FHIT: variants seen among roughly 807,000 people sequenced by gnomAD.
The protein encoded by FHIT is bis(5'-adenosyl)-triphosphatase.
Under a neutral mutation model 17.9 loss-of-function variants are expected in FHIT, and 19 were observed. That is an observed-to-expected ratio of 1.06 (90% CI 0.74 to 1.56). The LOEUF is 1.56. Among genes scored for constraint, FHIT ranks in the 40% most tolerant of loss-of-function variants. The pLI, the probability that FHIT is intolerant of heterozygous loss-of-function variation, is 0.00. For missense variants in FHIT, 248 were observed against 189.2 expected (o/e 1.31, Z -1.82); for synonymous variants, 81 against 69.7 (o/e 1.16, Z -0.81).
At chr3:61,008,517 A>G (rs2031591436) in intron 3 of FHIT, among the ~76,000 whole-genome samples, 1 of 152,068 alleles carries the variant, frequency 6.6e-6, no homozygotes, top group African/African-American at 2.4e-5. Context: ...TAAACTACAA[A>G]CAGCTCTTTG....
chr3:59,816,291 G>C (rs1700597322), intron 8 of FHIT, among the ~76,000 whole-genome samples: 1 of 152,200 alleles, frequency 6.6e-6, no homozygotes, highest in African/African-American at 2.4e-5. Flanking sequence ...TGTACACTCA[G>C]TTATCATCAC....
At chr3:60,335,959 T>C (rs1474549192) in intron 5 of FHIT, among the ~76,000 whole-genome samples, 1 of 152,164 alleles carries the variant, frequency 6.6e-6, no homozygotes, top group Non-Finnish European at 1.5e-5. Context: ...ACACAGAACA[T>C]ATTCTGACAG....
At chr3:60,156,242 C>T (rs577880302) in intron 5 of FHIT, among the ~76,000 whole-genome samples, 3 of 151,612 alleles carry the variant, frequency 2.0e-5, no homozygotes, top group Non-Finnish European at 2.9e-5. Flanking sequence ...CCCAGCTACT[C>T]AGGAGGCTGA....
chr3:60,902,394 T>C (rs534978951), intron 3 of FHIT, among the ~76,000 whole-genome samples: 1 of 152,334 alleles, frequency 6.6e-6, no homozygotes, highest in African/African-American at 2.4e-5. Flanking sequence ...TTATCCATGG[T>C]AATAGGATTT....
intron 4 of FHIT, among the ~76,000 whole-genome samples, chr3:60,716,156 A>G (rs1462181113): frequency 6.6e-6 from 1 of 152,130 alleles, no homozygotes; most frequent in Admixed American, 6.6e-5. Context: ...AGGCAGGAGA[A>G]TCACTTGAAC....
chr3:60,431,633 G>A (rs559723381), intron 5 of FHIT, among the ~76,000 whole-genome samples: 6 of 151,966 alleles, frequency 3.9e-5, no homozygotes, highest in South Asian at 4.2e-4. Context: ...TCTTGTCCTC[G>A]GCTACACATG....
rs182731894 is a variant in FHIT, at chr3:59,878,768, A to G, written c.348+43578T>C. 2.6e-5 allele frequency among the ~76,000 whole-genome samples: 4 copies of G among 152,334 alleles called. No homozygotes were observed. The East Asian group carries it at 7.7e-4, about 29-fold the overall frequency. On this transcript the variant is annotated intron_variant, in intron 8 of 9. Coordinates refer to ENST00000492590, the MANE Select transcript of FHIT (RefSeq NM_002012.4). ...GACGAGCGTTTAGAGAAGAACATTC[A>G]TTACTCGATATTGACGCTAACGAGA...
intron 3 of FHIT, among the ~76,000 whole-genome samples, chr3:61,040,105 GA>G (rs2033436198): frequency 6.6e-6 from 1 of 152,130 alleles, no homozygotes; most frequent in South Asian, 2.1e-4. Flanking sequence ...GGGGTTTAAC[GA>G]AACCTTACTC....
intron 4 of FHIT, among the ~76,000 whole-genome samples, chr3:60,593,748 A>T (rs1187311384): frequency 6.6e-6 from 1 of 152,076 alleles, no homozygotes; most frequent in Non-Finnish European, 1.5e-5. Flanking sequence ...TTAGGAACAA[A>T]TTGCCCTTTC....
intron 5 of FHIT, among the ~76,000 whole-genome samples, chr3:60,356,371 A>G (rs572807805): frequency 6.6e-6 from 1 of 152,328 alleles, no homozygotes; most frequent in South Asian, 2.1e-4. Context: ...GAGGAAGAGC[A>G]TGATCGCATA....
intron 4 of FHIT, among the ~76,000 whole-genome samples, chr3:60,620,625 G>A (rs1553678082): frequency 6.6e-6 from 1 of 151,888 alleles, no homozygotes; most frequent in Non-Finnish European, 1.5e-5. Flanking sequence ...AAAGATCAAT[G>A]GTTTGCAAGG....
chr3:60,583,482 G>GAT (rs2037812052), intron 4 of FHIT, among the ~76,000 whole-genome samples: 1 of 152,008 alleles, frequency 6.6e-6, no homozygotes, highest in Non-Finnish European at 1.5e-5. Flanking sequence ...ATGATGTGAG[G>GAT]ATATAGATGA....
At chr3:59,815,841 C>T (rs1014502750) in intron 8 of FHIT, among the ~76,000 whole-genome samples, 3 of 151,914 alleles carry the variant, frequency 2.0e-5, no homozygotes, top group South Asian at 2.1e-4. Flanking sequence ...CACTAAAGAA[C>T]TTATTCATGT....
chr3:60,675,369 C>T (rs561036950), intron 4 of FHIT, among the ~76,000 whole-genome samples: 22 of 152,214 alleles, frequency 1.4e-4, no homozygotes, highest in Non-Finnish European at 2.9e-4. Context: ...GCTTCCTGCT[C>T]TTATTTCTCT....
At chr3:59,841,128 T>C (rs1207568842) in intron 8 of FHIT, among the ~76,000 whole-genome samples, 2 of 152,140 alleles carry the variant, frequency 1.3e-5, no homozygotes, top group African/African-American at 2.4e-5. Flanking sequence ...CCATAGCCCC[T>C]TTGATGGTAG....
chr3:59,773,250 G>A, intron 8 of FHIT, among the ~76,000 whole-genome samples: 1 of 152,180 alleles, frequency 6.6e-6, no homozygotes, highest in East Asian at 1.9e-4. Context: ...AGAGCTCACA[G>A]CCCCGGTGGG....
chr3:59,850,246 T>G (rs550693926), intron 8 of FHIT, among the ~76,000 whole-genome samples: 1 of 152,338 alleles, frequency 6.6e-6, no homozygotes, highest in Non-Finnish European at 1.5e-5. Flanking sequence ...TCATTATCAG[T>G]GGACAAATGT....
At chr3:60,399,292 C>G (rs1485037128) in intron 5 of FHIT, among the ~76,000 whole-genome samples, 1 of 152,000 alleles carries the variant, frequency 6.6e-6, no homozygotes, top group Non-Finnish European at 1.5e-5. Context: ...AAGAAATATC[C>G]CATTTTCTCC....
chr3:60,751,166 G>A (rs2042458477), intron 4 of FHIT, among the ~76,000 whole-genome samples: 1 of 152,230 alleles, frequency 6.6e-6, no homozygotes, highest in African/African-American at 2.4e-5. Flanking sequence ...AGTGTTTACT[G>A]TGGAAGTAAC....
Sources: gnomAD v4.1 joint callset for allele counts (sites outside exome capture counted in the v4.1 genomes callset) on GRCh38, gnomAD v4.1.1 for gene constraint, MANE v1.5 for transcripts, NCBI Gene and HGNC (gene_info 2026-07-23, HGNC 2026-07-21) for gene names.